The following SLC45A4 variants were observed in gnomAD, a reference collection of about 807,000 sequenced individuals.
The protein encoded by SLC45A4 is polyamine-transporter SLC45A4.
A neutral mutation model predicts 63.7 loss-of-function variants in SLC45A4; 32 were observed. The ratio of observed to expected loss-of-function variants is 0.50; its 90% CI spans 0.38 to 0.67. SLC45A4 has a LOEUF of 0.67. Ranked by LOEUF, SLC45A4 falls within the 30% of genes least tolerant of loss-of-function variation. SLC45A4 has a pLI of 0.00. For synonymous variants in SLC45A4, 535 were observed against 510.0 expected (o/e 1.05, Z -0.66); for missense variants, 1,027 against 1,157.7 (o/e 0.89, Z 1.64).
At chr8:141,291,100 T>C (rs968676770) in intron 1 of SLC45A4, among the ~76,000 whole-genome samples, 2 of 152,218 alleles carry the variant, frequency 1.3e-5, no homozygotes, top group East Asian at 3.9e-4. Flanking sequence ...CCGCCCACCT[T>C]GGCCTCCCAA....
At chr8:141,212,598 G>C in intron 7 of SLC45A4, 42 bp from the exon 8 acceptor site, 2 of 1,550,664 alleles carry the variant, frequency 1.3e-6, no homozygotes, top group Non-Finnish European at 8.7e-7. Flanking sequence ...GCTGGAGAAG[G>C]TGGCTGCTAC....
chr8:141,215,761 G>A lies in SLC45A4; in HGVS notation c.1939C>T (p.Gln647Ter). The A allele has an allele frequency of 6.2e-7, 1 of 1,613,078 alleles. No homozygotes were observed. Among genetic ancestry groups the A allele is most frequent in the South Asian group, 1.1e-5 (1 of 91,090 alleles). The part of the protein sequence containing the change: ...ALLGQYHDIK[Q>*]YIHHSPGNSK... ...TCTCAGGGCTACGGTGGACGCACCT[G>A]CTTGATGTCATGGTACTGGCCCAGC... Residue 647 changes from glutamine to a stop codon, truncating the protein, a stop_gained and splice_region_variant, in exon 7 of 9, where the codon CAG becomes TAG. Coordinates refer to ENST00000517878, the MANE Select transcript of SLC45A4 (RefSeq NM_001286646.2). LOFTEE classifies it high-confidence loss of function. The surrounding 1 kb of genome is among the most constrained non-coding windows in gnomAD (Gnocchi z 4.3).
chr8:141,246,607 GGGGAGGGC>G (rs1828213223), intron 2 of SLC45A4, among the ~76,000 whole-genome samples: 16 of 151,790 alleles, frequency 1.1e-4, no homozygotes, highest in South Asian at 2.1e-4. Flanking sequence ...AATTACTCAA[GGGGAGGGC>G]ATTGCACAAG....
At chr8:141,305,797 C>T (rs987019010) in intron 1 of SLC45A4, among the ~76,000 whole-genome samples, 2 of 152,218 alleles carry the variant, frequency 1.3e-5, no homozygotes, top group African/African-American at 4.8e-5. Flanking sequence ...CTGTCCTCCC[C>T]ACCTCTCTCC....
intron 1 of SLC45A4, among the ~76,000 whole-genome samples, chr8:141,283,811 G>A (rs1830046577): frequency 6.6e-6 from 1 of 152,160 alleles, no homozygotes; most frequent in Non-Finnish European, 1.5e-5. Context: ...CTGCAGCAGG[G>A]CCCATGATGG....
chr8:141,271,002 G>T (rs1209408018), intron 1 of SLC45A4, among the ~76,000 whole-genome samples: 1 of 152,162 alleles, frequency 6.6e-6, no homozygotes, highest in Non-Finnish European at 1.5e-5. Flanking sequence ...AAGCGCCTTG[G>T]GTGCTAACGC....
chr8:141,216,328 T>C (rs953366718), intron 6 of SLC45A4, among the ~76,000 whole-genome samples: 1 of 152,214 alleles, frequency 6.6e-6, no homozygotes, highest in Non-Finnish European at 1.5e-5. Context: ...CTTCTCCTGA[T>C]GTGGGTAGCA....
At chr8:141,230,393 C>T (rs538143551) in intron 2 of SLC45A4, 28 of 326,916 alleles carry the variant, frequency 8.6e-5, no homozygotes, top group African/African-American at 4.3e-4. Context: ...CCATGGGTGC[C>T]GAGGGTTCCC....
At chr8:141,249,730 G>A (rs2060357) in intron 2 of SLC45A4, among the ~76,000 whole-genome samples, 42,098 of 152,126 alleles carry the variant, frequency 0.28, 6,068 homozygotes, top group East Asian at 0.39. Context: ...GGTATGGACA[G>A]CAGACAACTT....
intron 1 of SLC45A4, among the ~76,000 whole-genome samples, chr8:141,301,615 A>G (rs1441635435): frequency 6.6e-6 from 1 of 151,614 alleles, no homozygotes; most frequent in Non-Finnish European, 1.5e-5. Context: ...GCTGGGCATA[A>G]GCCCAGCTAC....
rs76966112 is a variant in SLC45A4, at chr8:141,276,879, G to A, written c.-400-22250C>T. Among the ~76,000 whole-genome samples, 275 of 152,266 alleles carry A rather than the reference G, an allele frequency of 1.8e-3. 2 individuals are homozygous for A. The highest frequency in any genetic ancestry group is 6.3e-3 in the African/African-American group (263 of 41,562). On this transcript the variant is annotated intron_variant, in intron 1 of 8. Transcript: ENST00000517878. ...GCTTCCAAGGCCAAACACCTCACGC[G>A]GGCTCCTCAGCTGAAGATATCACGG...
chr8:141,247,086 A>G (rs1382308132), intron 2 of SLC45A4, among the ~76,000 whole-genome samples: 1 of 152,252 alleles, frequency 6.6e-6, no homozygotes, highest in African/African-American at 2.4e-5. Context: ...TGAAGCTGAA[A>G]GCATAGTCTT....
chr8:141,251,951 A>C (rs1828486266), intron 2 of SLC45A4, among the ~76,000 whole-genome samples: 1 of 147,490 alleles, frequency 6.8e-6, no homozygotes, highest in African/African-American at 2.5e-5. Flanking sequence ...TTCACACTGG[A>C]GTCAGATCCG....
chr8:141,253,233 T>C (rs1443831806), intron 2 of SLC45A4: 1 of 161,104 alleles, frequency 6.2e-6, no homozygotes, highest in Non-Finnish European at 1.4e-5. Context: ...GTCTGTGAAT[T>C]TCCGTGTTTT....
chr8:141,296,404 GCAGGAAGATGGCTTCAGCC>G (rs958492396), intron 1 of SLC45A4, among the ~76,000 whole-genome samples: 3 of 151,584 alleles, frequency 2.0e-5, no homozygotes, highest in Non-Finnish European at 4.4e-5. Flanking sequence ...GGAGGCTGAG[GCAGGAAGATGGCTTCAGCC>G]CAGGAATTCA....
intron 5 of SLC45A4, 115 bp downstream of exon 5, chr8:141,217,896 G>A (rs1826265315): frequency 7.7e-7 from 1 of 1,293,372 alleles, no homozygotes; most frequent in Admixed American, 2.5e-5. Context: ...GCACTGTGTG[G>A]CCTCCCTGAC....
At chr8:141,234,951 C>T (rs921257271) in intron 2 of SLC45A4, among the ~76,000 whole-genome samples, 11 of 152,230 alleles carry the variant, frequency 7.2e-5, no homozygotes, top group African/African-American at 1.9e-4. Flanking sequence ...TGTGTGTCCC[C>T]GCGCTGGTCT....
intron 1 of SLC45A4, among the ~76,000 whole-genome samples, chr8:141,279,152 G>A (rs1433474889): frequency 6.6e-6 from 1 of 152,240 alleles, no homozygotes; most frequent in Non-Finnish European, 1.5e-5. Flanking sequence ...CCCCCACGCA[G>A]CCTGGAAAGG....
intron 1 of SLC45A4, among the ~76,000 whole-genome samples, chr8:141,298,605 A>G (rs1025588377): frequency 2.0e-5 from 3 of 152,210 alleles, no homozygotes; most frequent in Non-Finnish European, 4.4e-5. Context: ...TTGGAGCGGC[A>G]GCACCTCCTC....
Sources: gnomAD v4.1 joint callset for allele counts (sites outside exome capture counted in the v4.1 genomes callset) on GRCh38, gnomAD v4.1.1 for gene constraint, Gnocchi (gnomAD v3.1) non-coding constraint, MANE v1.5 for transcripts, NCBI Gene and HGNC (gene_info 2026-07-23, HGNC 2026-07-21) for gene names.